Variants in LRIG2 observed in about 807,000 individuals in gnomAD.
The protein encoded by LRIG2 is leucine-rich repeats and immunoglobulin-like domains protein 2.
A neutral mutation model predicts 107.8 loss-of-function variants in LRIG2; 93 were observed. The ratio of observed to expected loss-of-function variants is 0.86; its 90% confidence interval spans 0.73 to 1.03. The LOEUF is 1.03. LRIG2 is among the 50% of genes least tolerant of loss of function. LRIG2 has a pLI of 0.00. For missense variants in LRIG2, 1,226 were observed against 1,296.0 expected (o/e 0.95, Z 0.83); for synonymous variants, 471 against 470.6 (o/e 1.00, Z -0.01).
chr1:113,116,535 G>GT, intron 16 of LRIG2, 99 bp downstream of exon 16: 1 of 1,140,246 alleles, frequency 8.8e-7, no homozygotes, highest in Non-Finnish European at 1.2e-6. Context: ...ATATTTTAAA[G>GT]TAAGATACCT....
intron 16 of LRIG2, among the ~76,000 whole-genome samples, chr1:113,117,154 T>C (rs1055054408): frequency 1.1e-4 from 16 of 152,172 alleles, no homozygotes; most frequent in African/African-American, 3.9e-4. Flanking sequence ...CTCGCTCCCA[T>C]AGGGAGTGAC....
At chr1:113,103,351 G>A (rs1457726154) in intron 11 of LRIG2, 2 of 152,314 alleles carry the variant, frequency 1.3e-5, no homozygotes, top group Non-Finnish European at 2.9e-5. Context: ...GGTTTAGCCA[G>A]AGTCTTCCTT....
intron 1 of LRIG2, among the ~76,000 whole-genome samples, chr1:113,089,042 A>G (rs1230818722): frequency 2.6e-5 from 4 of 152,232 alleles, no homozygotes; most frequent in African/African-American, 9.6e-5. Context: ...TAGTTATGTC[A>G]TGGTGTAAAT....
intron 1 of LRIG2, among the ~76,000 whole-genome samples, chr1:113,089,675 G>GATTTT (rs1653706248): frequency 3.6e-5 from 1 of 27,948 alleles, no homozygotes; most frequent in Admixed American, 6.5e-4. Context: ...AAGGTGGATT[G>GATTTT]CTTTTTTTTT....
intron 11 of LRIG2, among the ~76,000 whole-genome samples, chr1:113,100,990 G>A (rs1347973067): frequency 1.3e-5 from 2 of 152,286 alleles, no homozygotes; most frequent in African/African-American, 2.4e-5. Context: ...TCATTGATGA[G>A]TTTTAAAAAT....
chr1:113,099,448 C>T (rs1197956736), intron 9 of LRIG2, among the ~76,000 whole-genome samples: 1 of 151,568 alleles, frequency 6.6e-6, no homozygotes, highest in Non-Finnish European at 1.5e-5. Context: ...CTATATTGCC[C>T]AGGCTGGTGT....
chr1:113,076,223 C>G (rs1015905485), intron 1 of LRIG2, among the ~76,000 whole-genome samples: 1 of 152,116 alleles, frequency 6.6e-6, no homozygotes, highest in African/African-American at 2.4e-5. Flanking sequence ...CCAGGCTGGT[C>G]TTGAACTCCT....
chr1:113,100,736 A>T lies in LRIG2; in HGVS notation c.1313+248A>T, dbSNP rs1268507393. The T allele has an allele frequency of 2.7e-5, 9 of 338,644 alleles. 1 individual carries two copies. The South Asian group carries it at 3.9e-4, about 15-fold the overall frequency. 21.0% of individuals were successfully genotyped at this position (338,644 alleles called of 1,614,324 possible). ...TTCTACCAATGCTTATAATTAGGAG[A>T]CCTCAGCACTGCTCCTTATGCTTTA... On this transcript the variant is annotated intron_variant, in intron 11 of 17. Coordinates refer to ENST00000361127, the MANE Select transcript of LRIG2 (RefSeq NM_014813.3).
At chr1:113,082,023 T>C (rs555650339) in intron 1 of LRIG2, among the ~76,000 whole-genome samples, 75 of 152,262 alleles carry the variant, frequency 4.9e-4, no homozygotes, top group African/African-American at 1.7e-3. Flanking sequence ...CTAAACCAAA[T>C]TGGGCATGAG....
chr1:113,116,308 A>G lies in LRIG2; in HGVS notation c.2552A>G (p.Asp851Gly). 1 of 1,613,758 alleles carries G rather than the reference A, an allele frequency of 6.2e-7. No homozygotes were observed. Among genetic ancestry groups the G allele is most frequent in the Non-Finnish European group, 8.5e-7 (1 of 1,179,744 alleles). ...TNTEELNLPADIPSYLSSQGT... is the reference protein window; with the variant it reads ...TNTEELNLPAGIPSYLSSQGT... ...ACAGAGGAGCTCAATCTGCCTGCAG[A>G]CATTCCCAGCTACTTGTCTTCCCAA... The change falls in exon 16 of 18, where the codon GAC (aspartate) becomes GGC (glycine). Residue 851 changes from aspartate (D) to glycine (G), a missense_variant. By Grantham distance (94) the Asp-to-Gly change is moderately conservative. Around this residue, in one of 3 missense-constraint regions of LRIG2, gnomAD observed 642 missense variants for 712.2 expected, o/e 0.90. Transcript: ENST00000361127.
intron 1 of LRIG2, among the ~76,000 whole-genome samples, chr1:113,089,794 G>C (rs1653719039): frequency 1.4e-5 from 2 of 145,898 alleles, no homozygotes; most frequent in South Asian, 4.4e-4. Context: ...AAGGGTTCAA[G>C]TGATTCTCCT....
chr1:113,092,342 G>C (rs1653865167), intron 2 of LRIG2, among the ~76,000 whole-genome samples: 1 of 152,154 alleles, frequency 6.6e-6, no homozygotes, highest in South Asian at 2.1e-4. Context: ...AAACATTTGA[G>C]ACAAACTGTT....
intron 17 of LRIG2, among the ~76,000 whole-genome samples, chr1:113,123,059 T>C (rs532271921): frequency 6.6e-6 from 1 of 152,360 alleles, no homozygotes; most frequent in Admixed American, 6.5e-5. Context: ...GCAGATAATC[T>C]GATTTAATAC....
intron 5 of LRIG2, 52 bp downstream of exon 5, chr1:113,094,534 C>G (rs1177102204): frequency 6.4e-7 from 1 of 1,573,686 alleles, no homozygotes; most frequent in African/African-American, 1.4e-5. Context: ...CTTACAGGGT[C>G]TTTTTCTTTT....
chr1:113,091,236 T>C lies in LRIG2; in HGVS notation c.240-82T>C, dbSNP rs1653807223. On this transcript the variant is annotated intron_variant, in intron 1 of 17. Transcript: ENST00000361127. ...ACTGTACCTGGCCAAGAGGACTTTT[T>C]GTATTTCTATTTAGTTTCTTTTTTT... The C allele has an allele frequency of 1.9e-5, 18 of 954,142 alleles. No individual in the cohort carries two copies. The South Asian group carries it at 2.1e-4, about 11-fold the overall frequency. 59.1% of individuals were successfully genotyped at this position (954,142 alleles called of 1,614,324 possible).
rs1236702324 is a variant in LRIG2 at position 113,128,702 on chromosome 1, A to G, written c.*4601A>G. On this transcript the variant is annotated 3_prime_UTR_variant, in exon 18 of 18. Transcript: ENST00000361127. ...GAAAAAAATTCTGCTTCTAAACAGT[A>G]TTAGTAAACAAAGAATCTTGACTCA... 6.6e-6 allele frequency: 1 copy of G among 152,206 alleles called. No homozygotes were observed. The allele number at this position is 152,206 out of a possible 1,614,324, so 9.4% of individuals were successfully genotyped here.
intron 1 of LRIG2, among the ~76,000 whole-genome samples, chr1:113,082,278 A>G (rs896688942): frequency 4.6e-5 from 7 of 152,200 alleles, no homozygotes; most frequent in Admixed American, 4.6e-4. Flanking sequence ...AGTTTATAAG[A>G]TATCTGAACA....
Position 113,125,840 on chromosome 1 carries a change from C to T in LRIG2, c.*1739C>T, listed in dbSNP as rs1655466859. The T allele has an allele frequency of 6.6e-6, 1 of 152,216 alleles. No individual in the cohort carries two copies. The highest frequency in any genetic ancestry group is 1.5e-5 in the Non-Finnish European group (1 of 68,044). 9.4% of individuals were successfully genotyped at this position (152,216 alleles called of 1,614,324 possible). ...ATTATTTAAATGAGTATTTGAAATT[C>T]TGTGAACAGGAATTCTTTTGGTAGT... On this transcript the variant is annotated 3_prime_UTR_variant, in exon 18 of 18. Coordinates refer to ENST00000361127, the MANE Select transcript of LRIG2 (RefSeq NM_014813.3).
chr1:113,131,835 T>C lies in LRIG2; in HGVS notation c.*7734T>C, dbSNP rs1655712646. On this transcript the variant is annotated 3_prime_UTR_variant, in exon 18 of 18. Transcript: ENST00000361127. ...GTGTGTGTGTGTGTGTGTGTGTGTG[T>C]GTGTGTGTGAAGATGGAATAGGGTG... 1 of 112,006 alleles carries C rather than the reference T, an allele frequency of 8.9e-6. No individual in the cohort carries two copies. The allele number at this position is 112,006 out of a possible 1,614,324, so 6.9% of individuals were successfully genotyped here.
Sources: gnomAD v4.1 joint callset for allele counts (sites outside exome capture counted in the v4.1 genomes callset) on GRCh38, gnomAD v4.1.1 for gene constraint, gnomAD v4.1.1 regional missense constraint, MANE v1.5 for transcripts, NCBI Gene and HGNC (gene_info 2026-07-23, HGNC 2026-07-21) for gene names.